TRIM5: variants seen among roughly 807,000 people sequenced by gnomAD.
The protein encoded by TRIM5 is tripartite motif-containing protein 5.
A neutral mutation model predicts 35.6 loss-of-function variants in TRIM5; 31 were observed. The ratio of observed to expected loss-of-function variants is 0.87; its 90% CI spans 0.65 to 1.18. The LOEUF is 1.18. TRIM5 is among the 50% of genes most tolerant of loss of function. The pLI, the probability that TRIM5 is intolerant of heterozygous loss-of-function variation, is 0.00. For synonymous variants in TRIM5, 243 were observed against 215.6 expected (o/e 1.13, Z -1.11); for missense variants, 609 against 591.6 (o/e 1.03, Z -0.31).
the TRIM5 span, among the ~76,000 whole-genome samples, chr11:5,630,966 G>A: frequency 6.6e-6 from 1 of 152,214 alleles, no homozygotes; most frequent in Non-Finnish European, 1.5e-5. Context: ...TTCAATTAGT[G>A]GATGTGGATT....
intron 4 of TRIM5, among the ~76,000 whole-genome samples, chr11:5,670,696 T>C (rs1851521607): frequency 6.6e-6 from 1 of 152,178 alleles, no homozygotes; most frequent in Non-Finnish European, 1.5e-5. Context: ...CATAGATTCA[T>C]CAGGAGACGA....
chr11:5,605,188 A>C, the TRIM5 span: 1 of 1,053,468 alleles, frequency 9.5e-7, no homozygotes, highest in South Asian at 1.3e-5. Flanking sequence ...AGAACAGGCT[A>C]CAAAGGCTTT....
the TRIM5 span, among the ~76,000 whole-genome samples, chr11:5,648,386 A>G: frequency 4.2e-4 from 64 of 152,126 alleles, no homozygotes; most frequent in African/African-American, 8.7e-4. Flanking sequence ...GGTGCCTGTA[A>G]TCCCAGCTAC....
At chr11:5,604,677 G>A in the TRIM5 span, 18 of 1,584,762 alleles carry the variant, frequency 1.1e-5, no homozygotes, top group Non-Finnish European at 1.5e-5. Context: ...AATCATGGCA[G>A]GTCATAGGAG....
the TRIM5 span, among the ~76,000 whole-genome samples, chr11:5,629,888 A>G: frequency 6.6e-6 from 1 of 152,018 alleles, no homozygotes; most frequent in Non-Finnish European, 1.5e-5. Flanking sequence ...TTGTATTTTT[A>G]GTAGAGATGG....
In TRIM5 at chr11:5,679,953, G is replaced by A. The variant is rs891029569; in HGVS notation, c.225C>T (p.Asn75=). ...ENIRPNRHVA[N]IVEKLREVKL... is the part of the protein sequence containing the mutation. Reference sequence around the variant, plus strand: ...TGACCTCCCTGAGCTTCTCCACTATGTTGGCTACATGCCGATTAGGCCGTA... The same window carrying A: ...TGACCTCCCTGAGCTTCTCCACTATATTGGCTACATGCCGATTAGGCCGTA... The change falls in exon 2 of 8, where the codon AAC becomes AAT. Residue 75 remains asparagine, a synonymous_variant. Transcript: ENST00000380034. The A allele has an allele frequency of 1.2e-5, 19 of 1,613,912 alleles. No individual in the cohort carries two copies. The highest frequency in any genetic ancestry group is 1.4e-5 in the Non-Finnish European group (17 of 1,180,020).
At chr11:5,632,739 A>G in the TRIM5 span, 1 of 1,595,136 alleles carries the variant, frequency 6.3e-7, no homozygotes, top group Non-Finnish European at 8.6e-7. Context: ...CGGAGGAAGT[A>G]TTCAAGGAAT....
the TRIM5 span, chr11:5,643,229 G>C: frequency 6.2e-7 from 1 of 1,613,250 alleles, no homozygotes. Flanking sequence ...TGCCAATTTG[G>C]CCTTTTCAGT....
Position 5,665,671 on chromosome 11 carries a change from C to T in TRIM5, c.880G>A (p.Val294Ile). 1 of 1,524,868 alleles carries T rather than the reference C, an allele frequency of 6.6e-7. No individual in the cohort carries two copies. The highest frequency in any genetic ancestry group is 2.3e-5 in the East Asian group (1 of 43,486). 94.5% of individuals were successfully genotyped at this position (1,524,868 alleles called of 1,614,324 possible). The change falls in exon 7 of 8, where the codon GTC becomes ATC. Residue 294 changes from valine to isoleucine, a missense_variant. By Grantham distance (29) the Val-to-Ile change is conservative. Transcript: ENST00000380034. ...TTCTCCTTACCCCAGTAGCGTCGGA[C>T]ATCTGTCAGCTCTGAAATGATAAAA... ...MLEVFRELTD[V>I]RRYWVDVTVA...
the TRIM5 span, chr11:5,643,754 C>A: frequency 1.3e-6 from 2 of 1,529,684 alleles, no homozygotes; most frequent in Non-Finnish European, 1.7e-6. Context: ...TGACTTATCT[C>A]CTGCAACTGA....
At chr11:5,637,582 T>A in the TRIM5 span, among the ~76,000 whole-genome samples, 3 of 152,094 alleles carry the variant, frequency 2.0e-5, no homozygotes, top group African/African-American at 7.2e-5. Flanking sequence ...TTATTTAAAA[T>A]TTTTTTTCCA....
the TRIM5 span, among the ~76,000 whole-genome samples, chr11:5,591,428 C>T: frequency 6.6e-6 from 1 of 152,176 alleles, no homozygotes; most frequent in Non-Finnish European, 1.5e-5. Context: ...GCGGGCAGAT[C>T]ACCTGAGGTC....
At chr11:5,610,935 A>G in the TRIM5 span, 2 of 1,614,180 alleles carry the variant, frequency 1.2e-6, no homozygotes, top group Non-Finnish European at 1.7e-6. Flanking sequence ...CTCCTCTGGT[A>G]AGCATTACTG....
At chr11:5,680,516 C>T (rs1852357043) in intron 1 of TRIM5, among the ~76,000 whole-genome samples, 1 of 152,176 alleles carries the variant, frequency 6.6e-6, no homozygotes, top group Non-Finnish European at 1.5e-5. Context: ...AGACTGAGGT[C>T]TTTTCTACCA....
the TRIM5 span, chr11:5,603,703 T>C: frequency 1.2e-6 from 2 of 1,613,388 alleles, no homozygotes; most frequent in Non-Finnish European, 1.7e-6. Flanking sequence ...TCACCACACG[T>C]TCCTCGTGGA....
chr11:5,638,122 T>G, the TRIM5 span, among the ~76,000 whole-genome samples: 117 of 152,368 alleles, frequency 7.7e-4, no homozygotes, highest in Non-Finnish European at 1.4e-3. Flanking sequence ...TTATTTTAAG[T>G]TGGACATCTG....
At chr11:5,610,274 A>T in the TRIM5 span, 1 of 1,613,736 alleles carries the variant, frequency 6.2e-7, no homozygotes, top group Non-Finnish European at 8.5e-7. Flanking sequence ...AAGAGTTTGG[A>T]TGTGAAATTA....
chr11:5,680,528 G>C (rs57860438), intron 1 of TRIM5, among the ~76,000 whole-genome samples: 3,234 of 152,192 alleles, frequency 0.021, 117 homozygotes, highest in African/African-American at 0.074. Flanking sequence ...TTTCTACCAA[G>C]ATCTTTGTGT....
chr11:5,670,784 A>AG (rs57186420), intron 4 of TRIM5, among the ~76,000 whole-genome samples: 45,030 of 151,658 alleles, frequency 0.3, 8,425 homozygotes, highest in African/African-American at 0.53. Flanking sequence ...ACATGGACAC[A>AG]CAGGACAAAG....
Sources: gnomAD v4.1 joint callset for allele counts (sites outside exome capture counted in the v4.1 genomes callset) on GRCh38, gnomAD v4.1.1 for gene constraint, MANE v1.5 for transcripts, NCBI Gene and HGNC (gene_info 2026-07-23, HGNC 2026-07-21) for gene names.